IRAG1: variants seen among roughly 807,000 people sequenced by gnomAD.
IRAG1 encodes the protein IP3R-associated cGMP kinase substrate.
A neutral mutation model predicts 106.2 loss-of-function variants in IRAG1; 62 were observed. The observed-to-expected ratio is 0.58, with a 90% CI of 0.48 to 0.72. IRAG1 has a LOEUF of 0.72. Ranked by LOEUF, IRAG1 falls within the 30% of genes least tolerant of loss-of-function variation. The pLI is 0.00. For synonymous variants in IRAG1, 462 were observed against 443.9 expected (o/e 1.04, Z -0.51); for missense variants, 1,064 against 1,140.7 (o/e 0.93, Z 0.97).
intron 1 of IRAG1, among the ~76,000 whole-genome samples, chr11:10,679,595 A>G (rs1004033943): frequency 1.9e-4 from 29 of 152,320 alleles, no homozygotes; most frequent in African/African-American, 7.0e-4. Flanking sequence ...CCTCTCAGGC[A>G]GAAGGTTTGT....
At chr11:10,593,873 C>G in intron 16 of IRAG1, 1 of 572,504 alleles carries the variant, frequency 1.7e-6, no homozygotes, top group Non-Finnish European at 3.1e-6. Context: ...CTCTGGGTAA[C>G]ACCCTGGAGA....
intron 15 of IRAG1, among the ~76,000 whole-genome samples, chr11:10,596,146 C>T (rs1853280770): frequency 6.6e-6 from 1 of 152,144 alleles, no homozygotes; most frequent in African/African-American, 2.4e-5. Context: ...GTGAAAAGTG[C>T]TGCAATGAAC....
rs562527762 is a variant in IRAG1 at position 10,676,731 on chromosome 11, G to A, written c.67+16805C>T. Among the ~76,000 whole-genome samples, 6 of 152,330 alleles carry A rather than the reference G, an allele frequency of 3.9e-5. No individual in the cohort carries two copies. In the East Asian group the frequency reaches 5.8e-4, roughly 15 times the overall value. ...TGAGACCGTGGATCCAGCCATGTCC[G>A]AGATTGCCCTAGAACTCTCAATGAT... On this transcript the variant is annotated intron_variant, in intron 1 of 20. Coordinates refer to ENST00000423302, the MANE Select transcript of IRAG1 (RefSeq NM_130385.4).
chr11:10,591,653 T>C (rs1160358638), intron 17 of IRAG1, 41 bp from the exon 18 acceptor site: 4 of 1,534,856 alleles, frequency 2.6e-6, no homozygotes, highest in African/African-American at 2.7e-5. Flanking sequence ...GGATGCGCTA[T>C]GGAAGGAAGA....
intron 4 of IRAG1, among the ~76,000 whole-genome samples, chr11:10,630,694 C>T (rs1046806917): frequency 1.3e-5 from 2 of 152,232 alleles, no homozygotes; most frequent in African/African-American, 2.4e-5. Flanking sequence ...AAACTGGGCT[C>T]AGCCAGTCTT....
At position 10,634,006 on chromosome 11, in the gene IRAG1, A is replaced by T. The variant is rs1295691189; in HGVS notation, c.291T>A (p.Thr97=). 4 of 1,612,746 alleles carry T rather than the reference A, an allele frequency of 2.5e-6. No homozygotes were observed. The South Asian group carries it at 4.4e-5, about 18-fold the overall frequency. ...TPTIVLTGDA[T]SPEGETDKNL... ...TTTTGTCGGTTTCTCCTTCTGGTGA[A>T]GTGGCATCCCCAGTCAGGACAATCG... The change falls in exon 3 of 21, where the codon ACT becomes ACA. Residue 97 remains threonine (T), a synonymous_variant. Transcript: ENST00000423302.
intron 1 of IRAG1, chr11:10,690,467 G>C (rs1184511861): frequency 8.0e-7 from 1 of 1,251,186 alleles, no homozygotes; most frequent in African/African-American, 1.6e-5. Context: ...CTTGTCCAGG[G>C]TCATGGGCGT....
intron 1 of IRAG1, 76 bp from the exon 2 acceptor site, chr11:10,652,258 C>CA: frequency 6.3e-7 from 1 of 1,579,846 alleles, no homozygotes; most frequent in African/African-American, 1.3e-5. Context: ...CCCGGAGCCA[C>CA]AAGCCACAGT....
chr11:10,671,503 G>T (rs184892467), intron 1 of IRAG1, among the ~76,000 whole-genome samples: 25 of 152,252 alleles, frequency 1.6e-4, no homozygotes, highest in African/African-American at 5.8e-4. Flanking sequence ...CCTGAGGCCA[G>T]GAGTTTGAGA....
chr11:10,683,873 A>G (rs10743145), intron 1 of IRAG1, among the ~76,000 whole-genome samples: 110,750 of 151,164 alleles, frequency 0.73, 40,806 homozygotes, highest in East Asian at 0.87. Context: ...AAGCAGGAAA[A>G]TTGTTGACAC....
At chr11:10,599,097 G>A (rs1164353214) in intron 15 of IRAG1, among the ~76,000 whole-genome samples, 1 of 152,196 alleles carries the variant, frequency 6.6e-6, no homozygotes, top group Non-Finnish European at 1.5e-5. Context: ...AGCTATCGTT[G>A]ACCTTTCCTA....
At chr11:10,598,677 G>A (rs1038917232) in intron 15 of IRAG1, among the ~76,000 whole-genome samples, 62 of 152,144 alleles carry the variant, frequency 4.1e-4, no homozygotes, top group African/African-American at 1.4e-3. Flanking sequence ...AACCCATTCA[G>A]TGAAAACATA....
chr11:10,651,750 C>A (rs1858527013), intron 2 of IRAG1, among the ~76,000 whole-genome samples: 1 of 152,322 alleles, frequency 6.6e-6, no homozygotes, highest in South Asian at 2.1e-4. Flanking sequence ...TCAGAGGGAG[C>A]CTGCATGGTT....
At position 10,665,308 on chromosome 11, in the gene IRAG1, C is replaced by A. The variant is rs1859704703; in HGVS notation, c.68-13126G>T. ...GGGCCCAGCATCTGGCCAGAAACCCCAGCCCAAACACAGAACCTTCTCCCA... is the reference window on the plus strand; with the variant it reads ...GGGCCCAGCATCTGGCCAGAAACCCAAGCCCAAACACAGAACCTTCTCCCA... On this transcript the variant is annotated intron_variant, in intron 1 of 20. Transcript: ENST00000423302. This position sits in a 1 kb window ranked among gnomAD's most constrained non-coding sequence, Gnocchi z 4.2. Among the ~76,000 whole-genome samples, 2 of 152,230 alleles carry A rather than the reference C, an allele frequency of 1.3e-5. No homozygotes were observed. The highest frequency in any genetic ancestry group is 4.1e-4 in the South Asian group (2 of 4,836).
intron 1 of IRAG1, among the ~76,000 whole-genome samples, chr11:10,673,069 G>A (rs960864943): frequency 6.6e-6 from 1 of 152,120 alleles, no homozygotes; most frequent in African/African-American, 2.4e-5. Context: ...AATCACTTGA[G>A]GTCAGGAGTT....
Position 10,609,791 on chromosome 11 carries a change from A to T in IRAG1, c.1508T>A (p.Val503Asp). 1 of 1,614,004 alleles carries T rather than the reference A, an allele frequency of 6.2e-7. No individual in the cohort carries two copies. ...CAGCACATCAGAAATATTAGGCATG[A>T]CATCTAAGCCACTCTTTGACTCTTC... ...EEEESKSGLD[V>D]MPNISDVLLR... Residue 503 changes from valine to aspartate, a missense_variant, in exon 11 of 21, where the codon GTC becomes GAC. Transcript: ENST00000423302.
At chr11:10,652,373 G>A in intron 1 of IRAG1, 191 bp from the exon 2 acceptor site, 1 of 1,414,872 alleles carries the variant, frequency 7.1e-7, no homozygotes, top group South Asian at 1.5e-5. Context: ...TACAAAGTCA[G>A]AGGTGACCTT....
chr11:10,641,196 A>G (rs1421222314), intron 2 of IRAG1, among the ~76,000 whole-genome samples: 1 of 152,210 alleles, frequency 6.6e-6, no homozygotes, highest in Admixed American at 6.5e-5. Flanking sequence ...CAAATCTGGC[A>G]GCCCTAGATG....
intron 1 of IRAG1, among the ~76,000 whole-genome samples, chr11:10,653,863 C>A (rs1858721838): frequency 1.3e-5 from 2 of 152,130 alleles, no homozygotes; most frequent in South Asian, 4.1e-4. Context: ...GTGGGCAATA[C>A]CTTCAGGAAT....
Sources: gnomAD v4.1 joint callset for allele counts (sites outside exome capture counted in the v4.1 genomes callset) on GRCh38, gnomAD v4.1.1 for gene constraint, Gnocchi (gnomAD v3.1) non-coding constraint, MANE v1.5 for transcripts, NCBI Gene and HGNC (gene_info 2026-07-23, HGNC 2026-07-21) for gene names.